The following WWOX variants were observed in gnomAD, a reference collection of about 807,000 sequenced individuals.
The protein encoded by WWOX is WW domain containing oxidoreductase.
WWOX carries 69 observed loss-of-function variants against 46.2 expected under a neutral mutation model. The observed-to-expected ratio is 1.49, with a 90% CI of 1.23 to 1.82. The LOEUF is 1.82. Among genes scored for constraint, WWOX ranks in the 40% most tolerant of loss-of-function variants. WWOX has a pLI of 0.00. For missense variants in WWOX, 919 were observed against 542.6 expected, an observed-to-expected ratio of 1.69 and a Z score of -6.89; for synonymous variants, 359 against 202.6, an observed-to-expected ratio of 1.77 and a Z score of -6.56.
intron 8 of WWOX, chr16:78,996,284 C>T (rs766760633): frequency 1.3e-4 from 125 of 984,766 alleles, no homozygotes; most frequent in Non-Finnish European, 1.5e-4. Flanking sequence ...TGGGTGCTCC[C>T]TGGAAGATGG....
intron 8 of WWOX, among the ~76,000 whole-genome samples, chr16:79,008,454 G>C (rs931394764): frequency 6.6e-6 from 1 of 152,086 alleles, no homozygotes; most frequent in Admixed American, 6.6e-5. Context: ...CACTCAGGGG[G>C]GCAAATTATC....
At chr16:79,061,606 T>A (rs1255762889) in intron 8 of WWOX, among the ~76,000 whole-genome samples, 1 of 152,200 alleles carries the variant, frequency 6.6e-6, no homozygotes, top group Non-Finnish European at 1.5e-5. Flanking sequence ...AGATCCATTT[T>A]AAGGCTGTGT....
At chr16:78,958,437 C>T (rs940013943) in intron 8 of WWOX, among the ~76,000 whole-genome samples, 1 of 152,182 alleles carries the variant, frequency 6.6e-6, no homozygotes, top group African/African-American at 2.4e-5. Context: ...ATTTAATTTG[C>T]ACTTTCAAAG....
intron 1 of WWOX, among the ~76,000 whole-genome samples, chr16:78,105,524 C>G (rs781568443): frequency 1.3e-5 from 2 of 151,436 alleles, no homozygotes; most frequent in Non-Finnish European, 2.9e-5. Flanking sequence ...AACCCTGATT[C>G]AGGCATGTTC....
chr16:78,196,855 G>A (rs1020864136), intron 5 of WWOX, among the ~76,000 whole-genome samples: 1 of 152,188 alleles, frequency 6.6e-6, no homozygotes, highest in African/African-American at 2.4e-5. Flanking sequence ...CAAAAGTCAT[G>A]GTAAGATCCA....
At chr16:78,474,417 A>G (rs1167147210) in intron 8 of WWOX, among the ~76,000 whole-genome samples, 1 of 152,222 alleles carries the variant, frequency 6.6e-6, no homozygotes, top group Admixed American at 6.5e-5. Context: ...TGTAGTGATG[A>G]AGAAAGCTTA....
intron 5 of WWOX, among the ~76,000 whole-genome samples, chr16:78,229,995 A>G (rs1050887641): frequency 5.3e-5 from 8 of 151,968 alleles, no homozygotes; most frequent in Admixed American, 3.9e-4. Flanking sequence ...TCCTTCTGCA[A>G]CAGCCTCCCT....
At chr16:78,460,697 G>A (rs916653191) in intron 8 of WWOX, among the ~76,000 whole-genome samples, 11 of 152,190 alleles carry the variant, frequency 7.2e-5, no homozygotes, top group African/African-American at 2.2e-4. Flanking sequence ...CTAAAGAGTA[G>A]ACTTGACCAC....
intron 8 of WWOX, among the ~76,000 whole-genome samples, chr16:79,095,593 T>G (rs1783571585): frequency 6.6e-6 from 1 of 152,144 alleles, no homozygotes; most frequent in South Asian, 2.1e-4. Flanking sequence ...GAGCCACATT[T>G]AGTTATCACT....
chr16:78,826,135 A>C, intron 8 of WWOX: 1 of 265,642 alleles, frequency 3.8e-6, no homozygotes, highest in Non-Finnish European at 7.0e-6. Flanking sequence ...CAGGCCGATC[A>C]CTTGAGGTCA....
intron 8 of WWOX, among the ~76,000 whole-genome samples, chr16:79,025,142 T>C (rs1334462656): frequency 6.6e-6 from 1 of 152,182 alleles, no homozygotes; most frequent in Non-Finnish European, 1.5e-5. Flanking sequence ...TTGTTTTGTT[T>C]TGCTTGTTGA....
chr16:78,679,281 T>A (rs1420115622), intron 8 of WWOX, among the ~76,000 whole-genome samples: 1 of 152,186 alleles, frequency 6.6e-6, no homozygotes, highest in African/African-American at 2.4e-5. Flanking sequence ...CTGGGTGCAG[T>A]GGGTTGCGCC....
At chr16:78,840,106 T>C (rs946816650) in intron 8 of WWOX, among the ~76,000 whole-genome samples, 3 of 152,216 alleles carry the variant, frequency 2.0e-5, no homozygotes, top group Non-Finnish European at 2.9e-5. Context: ...CAAAGTTGTA[T>C]GCAAAATAAG....
intron 8 of WWOX, among the ~76,000 whole-genome samples, chr16:79,039,489 T>C (rs1211317782): frequency 6.6e-6 from 1 of 152,106 alleles, no homozygotes; most frequent in East Asian, 1.9e-4. Context: ...CATTTGCCCA[T>C]CGTAAAGGCT....
intron 8 of WWOX, among the ~76,000 whole-genome samples, chr16:78,776,192 A>C (rs1597590858): frequency 6.6e-6 from 1 of 152,172 alleles, no homozygotes; most frequent in Non-Finnish European, 1.5e-5. Flanking sequence ...GATGTTTTCC[A>C]GTCTTTCTCT....
intron 8 of WWOX, among the ~76,000 whole-genome samples, chr16:78,650,263 T>C (rs1206385741): frequency 1.3e-5 from 2 of 152,360 alleles, no homozygotes; most frequent in East Asian, 1.9e-4. Context: ...CTTCAGGACT[T>C]ACTTTGAAGA....
chr16:78,925,362 A>T (rs1031471133), intron 8 of WWOX, among the ~76,000 whole-genome samples: 14 of 152,242 alleles, frequency 9.2e-5, no homozygotes, highest in African/African-American at 3.4e-4. Context: ...ACAAAGGGAG[A>T]TCCACCCTTC....
chr16:79,108,184 G>A (rs138001822), intron 8 of WWOX, among the ~76,000 whole-genome samples: 2 of 152,342 alleles, frequency 1.3e-5, no homozygotes, highest in East Asian at 1.9e-4. Flanking sequence ...CTAGTCCACT[G>A]TCTAAGTGTT....
intron 8 of WWOX, among the ~76,000 whole-genome samples, chr16:78,947,463 C>G (rs2045972181): frequency 6.6e-6 from 1 of 152,196 alleles, no homozygotes; most frequent in South Asian, 2.1e-4. Flanking sequence ...TGAGGAAACG[C>G]TCTCTTCTTC....
Sources: allele counts gnomAD v4.1 joint callset (sites outside exome capture counted in the v4.1 genomes callset), GRCh38; gene constraint gnomAD v4.1.1; transcripts MANE v1.5; gene names NCBI Gene and HGNC (gene_info 2026-07-23, HGNC 2026-07-21).